RAB38: variants seen among roughly 807,000 people sequenced by gnomAD.
RAB38 encodes the protein ras-related protein Rab-38.
Under a neutral mutation model 18.4 loss-of-function variants are expected in RAB38, and 15 were observed. The ratio of observed to expected loss-of-function variants is 0.82; its 90% CI spans 0.55 to 1.26. The LOEUF is 1.26. RAB38 is among the 50% of genes most tolerant of loss of function. RAB38 has a pLI of 0.00. For missense variants in RAB38, 294 were observed against 267.4 expected, an observed-to-expected ratio of 1.10 and a Z score of -0.69; for synonymous variants, 101 against 104.4, an observed-to-expected ratio of 0.97 and a Z score of 0.20.
the RAB38 span, among the ~76,000 whole-genome samples, chr11:88,031,910 C>T: frequency 1.3e-5 from 2 of 151,916 alleles, no homozygotes; most frequent in African/African-American, 4.8e-5. Flanking sequence ...AAAAAAGAGC[C>T]CGCATCGCCA....
the RAB38 span, among the ~76,000 whole-genome samples, chr11:87,900,196 A>G: frequency 2.6e-5 from 4 of 151,672 alleles, no homozygotes; most frequent in South Asian, 8.3e-4. Flanking sequence ...GATTGACACT[A>G]CATAATAGAA....
the RAB38 span, among the ~76,000 whole-genome samples, chr11:87,893,265 T>C: frequency 0.092 from 13,623 of 147,950 alleles, 917 homozygotes; most frequent in Admixed American, 0.22. Context: ...AAAGATGACT[T>C]GTGTCCTTTT....
the RAB38 span, among the ~76,000 whole-genome samples, chr11:88,039,707 G>T: frequency 6.6e-6 from 1 of 152,168 alleles, no homozygotes; most frequent in East Asian, 1.9e-4. Context: ...ACCTAAATAG[G>T]CATGAGAATG....
chr11:87,922,984 T>C, the RAB38 span, among the ~76,000 whole-genome samples: 1 of 149,844 alleles, frequency 6.7e-6, no homozygotes, highest in African/African-American at 2.5e-5. Flanking sequence ...AAGGAGAAAA[T>C]AAAAGAATAG....
At chr11:87,908,149 C>G in the RAB38 span, among the ~76,000 whole-genome samples, 1 of 151,802 alleles carries the variant, frequency 6.6e-6, no homozygotes, top group African/African-American at 2.4e-5. Context: ...GGAGGGATGC[C>G]TAGCTCATAA....
chr11:88,122,291 G>A (rs181764734), intron 2 of RAB38, among the ~76,000 whole-genome samples: 1 of 152,224 alleles, frequency 6.6e-6, no homozygotes, highest in Admixed American at 6.5e-5. Flanking sequence ...TTAATATTTT[G>A]TTTTTAATTC....
intron 1 of RAB38, chr11:88,173,994 T>C: frequency 2.0e-6 from 2 of 985,410 alleles, no homozygotes; most frequent in Non-Finnish European, 2.4e-6. Context: ...ATCCATTTTC[T>C]GAAACAGAAG....
chr11:87,882,358 A>G, the RAB38 span, among the ~76,000 whole-genome samples: 8 of 151,976 alleles, frequency 5.3e-5, no homozygotes, highest in African/African-American at 1.9e-4. Context: ...AGAAGCCCCT[A>G]AAGGGCTTTA....
At chr11:88,046,991 T>A in the RAB38 span, among the ~76,000 whole-genome samples, 1 of 152,160 alleles carries the variant, frequency 6.6e-6, no homozygotes, top group Non-Finnish European at 1.5e-5. Flanking sequence ...AGCCTTTTTA[T>A]CCTAGGCAAA....
chr11:88,146,476 A>G (rs1942988073), intron 2 of RAB38, among the ~76,000 whole-genome samples: 2 of 152,016 alleles, frequency 1.3e-5, no homozygotes. Flanking sequence ...TACCTATGGG[A>G]AATGTTCTCT....
chr11:87,889,295 T>A, the RAB38 span, among the ~76,000 whole-genome samples: 1 of 151,898 alleles, frequency 6.6e-6, no homozygotes, highest in Non-Finnish European at 1.5e-5. Context: ...CAAACAAGAA[T>A]GCTTGCAATG....
At chr11:87,951,892 G>C in the RAB38 span, among the ~76,000 whole-genome samples, 1 of 152,140 alleles carries the variant, frequency 6.6e-6, no homozygotes, top group Admixed American at 6.6e-5. Flanking sequence ...ATCTCAAGCT[G>C]CATGCTGGGA....
At chr11:87,973,623 G>A in the RAB38 span, among the ~76,000 whole-genome samples, 1 of 143,182 alleles carries the variant, frequency 7.0e-6, no homozygotes, top group African/African-American at 2.5e-5. Context: ...TTACTAGACA[G>A]GACAAAGCTG....
the RAB38 span, among the ~76,000 whole-genome samples, chr11:87,868,600 AG>A: frequency 3.2e-5 from 2 of 63,396 alleles, no homozygotes; most frequent in East Asian, 7.4e-4. Context: ...AGAGAGAGAG[AG>A]AGAGAGAGAG....
chr11:88,163,720 A>G (rs1943214567), intron 1 of RAB38, among the ~76,000 whole-genome samples: 1 of 152,170 alleles, frequency 6.6e-6, no homozygotes, highest in Admixed American at 6.6e-5. Context: ...CCTACTTTTG[A>G]AATACATTTT....
intron 2 of RAB38, among the ~76,000 whole-genome samples, chr11:88,143,076 A>C (rs868214674): frequency 6.6e-6 from 1 of 152,194 alleles, no homozygotes; most frequent in Non-Finnish European, 1.5e-5. Flanking sequence ...CGGTAGTGCA[A>C]TGTGGTGGTT....
the RAB38 span, among the ~76,000 whole-genome samples, chr11:87,903,785 A>G: frequency 2.6e-5 from 4 of 151,380 alleles, no homozygotes; most frequent in African/African-American, 9.7e-5. Flanking sequence ...GTTGAATGAA[A>G]GAGCTTTTTT....
the RAB38 span, chr11:88,060,263 C>G: frequency 6.6e-6 from 1 of 152,108 alleles, no homozygotes; most frequent in African/African-American, 2.4e-5. Flanking sequence ...CCTGACATCC[C>G]TGGGTCTTAT....
chr11:88,133,791 A>G (rs1439826574), intron 2 of RAB38, among the ~76,000 whole-genome samples: 1 of 152,232 alleles, frequency 6.6e-6, no homozygotes, highest in Non-Finnish European at 1.5e-5. Flanking sequence ...TAGAAAAAAA[A>G]GAGTGAAAAG....
Sources: gnomAD v4.1 joint callset for allele counts (sites outside exome capture counted in the v4.1 genomes callset) on GRCh38, gnomAD v4.1.1 for gene constraint, MANE v1.5 for transcripts, NCBI Gene and HGNC (gene_info 2026-07-23, HGNC 2026-07-21) for gene names.